Variants in TICRR observed in about 807,000 individuals in gnomAD.
TICRR encodes TOPBP1 interacting checkpoint and replication regulator, also known as treslin.
A neutral mutation model predicts 178.1 loss-of-function variants in TICRR; 132 were observed. The ratio of observed to expected loss-of-function variants is 0.74; its 90% CI spans 0.64 to 0.86. The LOEUF (loss-of-function observed/expected upper bound fraction) is 0.86. Among genes scored for constraint, TICRR ranks in the 40% least tolerant of loss-of-function variants. TICRR has a pLI of 0.00. For missense variants in TICRR, 2,587 were observed against 2,334.3 expected (o/e 1.11, Z -2.23); for synonymous variants, 991 against 900.7 (o/e 1.10, Z -1.79).
At position 89,584,431 on chromosome 15, in the gene TICRR, C is replaced by T; in HGVS notation, c.1080C>T (p.Asp360=). 3 of 1,614,024 alleles carry T rather than the reference C, an allele frequency of 1.9e-6. No individual in the cohort carries two copies. Among genetic ancestry groups the T allele is most frequent in the Non-Finnish European group, 2.5e-6 (3 of 1,179,956 alleles). The part of the protein sequence containing the change: ...SLPTSSTLGT[D]SWMLGSPEES... ...CAACGAGCAGCACTTTGGGCACTGA[C>T]AGCTGGATGCTAGGAAGTCCAGAGG... is the stretch of plus-strand genomic sequence containing the variant. Residue 360 remains aspartate (D), a synonymous_variant, in exon 3 of 22, where the codon GAC becomes GAT. Coordinates refer to ENST00000268138, the MANE Select transcript of TICRR (RefSeq NM_152259.4).
intron 18 of TICRR, 67 bp downstream of exon 18, chr15:89,619,909 G>C: frequency 6.5e-7 from 1 of 1,533,034 alleles, no homozygotes; most frequent in Non-Finnish European, 8.8e-7. Flanking sequence ...TTTGGGAAAA[G>C]AAGCAAGAAA....
At chr15:89,617,928 G>T (rs1393935693) in intron 16 of TICRR, 4 of 524,790 alleles carry the variant, frequency 7.6e-6, no homozygotes, top group Non-Finnish European at 1.4e-5. Flanking sequence ...CTGACCTCAA[G>T]TGATCCGCCC....
At position 89,625,435 on chromosome 15, in the gene TICRR, C is replaced by T. The variant is rs1393913066; in HGVS notation, c.5125C>T (p.Leu1709Phe). The T allele has an allele frequency of 1.9e-6, 3 of 1,613,880 alleles. No individual in the cohort carries two copies. Among genetic ancestry groups the T allele is most frequent in the East Asian group, 2.2e-5 (1 of 44,856 alleles). The change falls in exon 20 of 22, where the codon CTT (leucine) becomes TTT (phenylalanine). Residue 1709 changes from leucine to phenylalanine, a missense_variant. Transcript: ENST00000268138. ...SSGRGEVGAD[L>F]PGSLSLLESE... is the part of the protein sequence containing the mutation. ...CGGGAGGGGCGAGGTCGGTGCAGAC[C>T]TTCCTGGGAGCCTGTCACTGCTTGA... is the stretch of plus-strand genomic sequence containing the variant.
intron 13 of TICRR, 45 bp from the exon 14 acceptor site, chr15:89,606,723 T>C (rs1359532299): frequency 1.3e-6 from 2 of 1,482,926 alleles, no homozygotes; most frequent in Admixed American, 1.7e-5. Flanking sequence ...TTTATTTCAA[T>C]GAATGCCTAT....
rs545102384 is a variant in TICRR, at chr15:89,604,270, G to A, written c.2664+1378G>A. Among the ~76,000 whole-genome samples the A allele has an allele frequency of 2.6e-5, 4 of 152,312 alleles. No homozygotes were observed. The South Asian group carries it at 6.2e-4, about 24-fold the overall frequency. Reference sequence around the variant, plus strand: ...ATTGGAGGTGGGATTTCTTTTAAATGGTTAATGGTGTTCACTTTCTTATAC... The same window carrying A: ...ATTGGAGGTGGGATTTCTTTTAAATAGTTAATGGTGTTCACTTTCTTATAC... On this transcript the variant is annotated intron_variant, in intron 13 of 21. Coordinates refer to ENST00000268138, the MANE Select transcript of TICRR (RefSeq NM_152259.4).
chr15:89,627,355 A>C lies in TICRR; in HGVS notation c.*269A>C. The C allele has an allele frequency of 2.4e-6, 1 of 417,484 alleles. No homozygotes were observed. Among genetic ancestry groups the C allele is most frequent in the South Asian group, 4.6e-5 (1 of 21,928 alleles). 25.9% of individuals were successfully genotyped at this position (417,484 alleles called of 1,614,324 possible). On this transcript the variant is annotated 3_prime_UTR_variant, in exon 22 of 22. Coordinates refer to ENST00000268138, the MANE Select transcript of TICRR (RefSeq NM_152259.4). ...TGGGAGTCAGGAACCCAGACAAGGAATCCCATTCCAGCCTCACCCCAACCA... is the reference window on the plus strand; with the variant it reads ...TGGGAGTCAGGAACCCAGACAAGGACTCCCATTCCAGCCTCACCCCAACCA...
intron 2 of TICRR, 91 bp downstream of exon 2, chr15:89,583,056 C>T (rs1414307221): frequency 7.5e-7 from 1 of 1,333,760 alleles, no homozygotes. Context: ...TGGCATTTCT[C>T]ACAGCCCAGG....
chr15:89,609,601 A>G (rs550244923), intron 15 of TICRR, among the ~76,000 whole-genome samples: 14 of 151,982 alleles, frequency 9.2e-5, no homozygotes, highest in Admixed American at 3.3e-4. Flanking sequence ...CAGCCTCCCC[A>G]GTAGCTGGGA....
chr15:89,576,867 A>C (rs1962631209), intron 1 of TICRR, among the ~76,000 whole-genome samples: 1 of 145,498 alleles, frequency 6.9e-6, no homozygotes, highest in African/African-American at 2.5e-5. Flanking sequence ...ATATACACAC[A>C]CACACATATA....
Position 89,616,408 on chromosome 15 carries a change from A to G in TICRR, c.2873A>G (p.Tyr958Cys). The change falls in exon 16 of 22, where the codon TAT becomes TGT. Residue 958 changes from tyrosine (Y) to cysteine (C), a missense_variant. Transcript: ENST00000268138. ...KLDNFKKNKG[Y>C]HKLLTKSVAE... is the part of the protein sequence containing the mutation. ...TTAAGCTGTGTTTACATTTTAGGTTATCACAAACTGCTGACTAAGAGTGTG... is the reference window on the plus strand; with the variant it reads ...TTAAGCTGTGTTTACATTTTAGGTTGTCACAAACTGCTGACTAAGAGTGTG... 1 of 1,613,804 alleles carries G rather than the reference A, an allele frequency of 6.2e-7. No homozygotes were observed. The highest frequency in any genetic ancestry group is 8.5e-7 in the Non-Finnish European group (1 of 1,179,694).
At chr15:89,626,670 A>G (rs1451300096) in intron 21 of TICRR, among the ~76,000 whole-genome samples, 1 of 152,156 alleles carries the variant, frequency 6.6e-6, no homozygotes, top group East Asian at 1.9e-4. Context: ...ATAACCCCAG[A>G]GATCTGAGAC....
At chr15:89,623,011 G>A (rs1426648786) in intron 19 of TICRR, among the ~76,000 whole-genome samples, 2 of 152,254 alleles carry the variant, frequency 1.3e-5, no homozygotes, top group Non-Finnish European at 2.9e-5. Context: ...CCCCTGACGG[G>A]ATGAAGGAAG....
chr15:89,613,639 A>G (rs901422039), intron 15 of TICRR, among the ~76,000 whole-genome samples: 1 of 151,286 alleles, frequency 6.6e-6, no homozygotes, highest in Non-Finnish European at 1.5e-5. Context: ...GATCATCTCA[A>G]TTAACCTTGT....
chr15:89,607,730 G>A lies in TICRR; in HGVS notation c.2722+905G>A, dbSNP rs1963195473. ...GGTTGCTCCCAGTTTGTGGATCCTAGATTATTTGGTTTGGGTTTAAATGAT... is the reference window on the plus strand; with the variant it reads ...GGTTGCTCCCAGTTTGTGGATCCTAAATTATTTGGTTTGGGTTTAAATGAT... On this transcript the variant is annotated intron_variant, in intron 14 of 21. Transcript: ENST00000268138. Among the ~76,000 whole-genome samples the A allele has an allele frequency of 3.3e-5, 5 of 152,198 alleles. No homozygotes were observed. In the South Asian group the frequency reaches 1.0e-3, roughly 32 times the overall value.
chr15:89,576,274 C>T (rs771103862), intron 1 of TICRR, 34 bp downstream of exon 1: 4 of 1,506,546 alleles, frequency 2.7e-6, no homozygotes, highest in Admixed American at 2.1e-5. Context: ...AGATGGCGTG[C>T]ACGGTGCTTT....
chr15:89,577,822 C>G (rs1962652510), intron 1 of TICRR, among the ~76,000 whole-genome samples: 2 of 151,326 alleles, frequency 1.3e-5, no homozygotes, highest in Non-Finnish European at 2.9e-5. Flanking sequence ...TGCTACCCAC[C>G]CTGGTCTCAA....
At chr15:89,577,792 G>A (rs961983026) in intron 1 of TICRR, among the ~76,000 whole-genome samples, 8 of 151,548 alleles carry the variant, frequency 5.3e-5, no homozygotes, top group Non-Finnish European at 8.8e-5. Flanking sequence ...TGTATTTTTA[G>A]TAGAGACGGA....
rs1391548827 is a variant in TICRR, at chr15:89,585,890, G to A, written c.1359G>A (p.Val453=). The change falls in exon 4 of 22, where the codon GTG becomes GTA. Residue 453 remains valine, a synonymous_variant. Transcript: ENST00000268138. ...CAGCTTCCCTTTTCTCAGATGTTGT[G>A]GATAGTATATTGAATCAGACTCATG... is the stretch of plus-strand genomic sequence containing the variant. ...RDTASLFSDV[V]DSILNQTHDS... is the part of the protein sequence containing the mutation. The A allele has an allele frequency of 1.2e-6, 2 of 1,613,972 alleles. No individual in the cohort carries two copies. Among genetic ancestry groups the A allele is most frequent in the African/African-American group, 2.7e-5 (2 of 74,884 alleles).
intron 7 of TICRR, among the ~76,000 whole-genome samples, chr15:89,599,058 C>A (rs1398009538): frequency 2.0e-5 from 3 of 152,016 alleles, no homozygotes; most frequent in Non-Finnish European, 4.4e-5. Context: ...GTTTCTCAGT[C>A]TCTGGACTAT....
Sources: gnomAD v4.1 joint callset for allele counts (sites outside exome capture counted in the v4.1 genomes callset) on GRCh38, gnomAD v4.1.1 for gene constraint, MANE v1.5 for transcripts, NCBI Gene and HGNC (gene_info 2026-07-23, HGNC 2026-07-21) for gene names.